Variants in MAST2 observed in about 807,000 individuals in gnomAD.
The protein encoded by MAST2 is microtubule associated serine/threonine kinase 2.
MAST2 carries 70 observed loss-of-function variants against 147.4 expected under a neutral mutation model. That is an observed-to-expected ratio of 0.47 (90% confidence interval 0.39 to 0.58). The LOEUF is 0.58. MAST2 is among the 20% of genes least tolerant of loss of function. The pLI, the probability that MAST2 is intolerant of heterozygous loss-of-function variation, is 0.00. For missense variants in MAST2, 2,080 were observed against 2,302.3 expected, an observed-to-expected ratio of 0.90 and a Z score of 1.98; for synonymous variants, 869 against 896.8, an observed-to-expected ratio of 0.97 and a Z score of 0.55.
intron 3 of MAST2, among the ~76,000 whole-genome samples, chr1:45,845,157 A>T (rs1032500454): frequency 1.3e-5 from 2 of 152,186 alleles, no homozygotes; most frequent in Non-Finnish European, 2.9e-5. Context: ...AAGAGATCTT[A>T]CTGAATTTGT....
intron 3 of MAST2, among the ~76,000 whole-genome samples, chr1:45,870,216 G>A (rs1199338785): frequency 2.0e-5 from 3 of 152,052 alleles, no homozygotes; most frequent in South Asian, 2.1e-4. Context: ...GAGCTACTGC[G>A]CCCAGCTTTT....
At chr1:45,959,521 A>T (rs1408222362) in intron 5 of MAST2, 44 bp downstream of exon 5, 3 of 1,495,910 alleles carry the variant, frequency 2.0e-6, no homozygotes, top group Non-Finnish European at 2.8e-6. Context: ...AAGAGTGGCC[A>T]CAGATGCCCA....
chr1:45,813,376 C>T (rs1381828592), intron 1 of MAST2, among the ~76,000 whole-genome samples: 4 of 151,832 alleles, frequency 2.6e-5, no homozygotes, highest in African/African-American at 9.7e-5. Flanking sequence ...GTTGCTCAGG[C>T]TGGAGTGCAG....
intron 4 of MAST2, among the ~76,000 whole-genome samples, chr1:45,932,818 G>A (rs1485864455): frequency 1.3e-5 from 2 of 152,076 alleles, no homozygotes; most frequent in Non-Finnish European, 2.9e-5. Flanking sequence ...TGACTTTTGT[G>A]TCTTTTTGAT....
intron 3 of MAST2, among the ~76,000 whole-genome samples, chr1:45,868,177 G>T (rs766785924): frequency 6.6e-6 from 1 of 152,098 alleles, no homozygotes; most frequent in Non-Finnish European, 1.5e-5. Flanking sequence ...GTAAAAATTG[G>T]CTTTCATCTT....
At chr1:45,947,899 G>A (rs1019696358) in intron 4 of MAST2, among the ~76,000 whole-genome samples, 1 of 152,112 alleles carries the variant, frequency 6.6e-6, no homozygotes, top group Non-Finnish European at 1.5e-5. Context: ...TGTATTTTTA[G>A]TAGAGACAGG....
chr1:45,939,983 T>TG lies in MAST2; in HGVS notation c.501-19403_501-19402insG, dbSNP rs1656950933. Among the ~76,000 whole-genome samples, 4 of 79,640 alleles carry TG rather than the reference T, an allele frequency of 5.0e-5. 1 individual carries two copies. Among genetic ancestry groups the TG allele is most frequent in the Admixed American group, 5.0e-4 (4 of 8,012 alleles). The allele number at this position is 79,640 out of a possible 152,430, so 52.2% of individuals were successfully genotyped here. A position where few individuals can be genotyped will look rare whatever the true frequency, so the allele number is the denominator to read the frequency against. ...GGAAGTTCTCTATTTATTTAGGGTTTTTTTTTTTTTTTTTTTTTGAGATGG... is the reference window on the plus strand; with the variant it reads ...GGAAGTTCTCTATTTATTTAGGGTTTGTTTTTTTTTTTTTTTTTTGAGATGG... On this transcript the variant is annotated intron_variant, in intron 4 of 28. Coordinates refer to ENST00000361297, the MANE Select transcript of MAST2 (RefSeq NM_015112.3).
At chr1:45,865,472 C>T (rs886075543) in intron 3 of MAST2, among the ~76,000 whole-genome samples, 2 of 152,136 alleles carry the variant, frequency 1.3e-5, no homozygotes, top group Non-Finnish European at 2.9e-5. Flanking sequence ...CTGTTCCTGA[C>T]CACCATGCCT....
intron 4 of MAST2, among the ~76,000 whole-genome samples, chr1:45,934,289 C>G (rs1435633647): frequency 6.6e-6 from 1 of 152,140 alleles, no homozygotes; most frequent in Admixed American, 6.5e-5. Context: ...TCGAGACCAC[C>G]CTAGCTAACA....
chr1:45,857,164 A>G (rs1465494859), intron 3 of MAST2, among the ~76,000 whole-genome samples: 4 of 152,232 alleles, frequency 2.6e-5, no homozygotes, highest in African/African-American at 9.6e-5. Flanking sequence ...GAGGTCAGGG[A>G]TTTTTATCTA....
rs377141695 is a variant in MAST2 at position 45,828,386 on chromosome 1, G to A, written c.326-1053G>A. On this transcript the variant is annotated intron_variant, in intron 2 of 28. Coordinates refer to ENST00000361297, the MANE Select transcript of MAST2 (RefSeq NM_015112.3). ...GGAAAGTGCAGGGCATAATATTGAAGTTGAGTGAGTGAATAAGTGTGGAAA... is the reference window on the plus strand; with the variant it reads ...GGAAAGTGCAGGGCATAATATTGAAATTGAGTGAGTGAATAAGTGTGGAAA... 7.0e-4 allele frequency among the ~76,000 whole-genome samples: 106 copies of A among 152,314 alleles called. No individual in the cohort carries two copies. In the South Asian group the frequency reaches 0.022, roughly 31 times the overall value.
intron 4 of MAST2, among the ~76,000 whole-genome samples, chr1:45,924,150 T>C (rs1339623833): frequency 2.0e-5 from 3 of 152,146 alleles, no homozygotes; most frequent in African/African-American, 4.8e-5. Context: ...ATTACAGGCA[T>C]GAGCCACCAC....
At position 45,938,520 on chromosome 1, in the gene MAST2, T is replaced by G. The variant is rs1656635287; in HGVS notation, c.501-20866T>G. ...TATTTTTTTATTTGTAGAGATGAGGTCTCACCATGTTGCCTACACTGGTCT... is the reference window on the plus strand; with the variant it reads ...TATTTTTTTATTTGTAGAGATGAGGGCTCACCATGTTGCCTACACTGGTCT... On this transcript the variant is annotated intron_variant, in intron 4 of 28. Coordinates refer to ENST00000361297, the MANE Select transcript of MAST2 (RefSeq NM_015112.3). Among the ~76,000 whole-genome samples the G allele has an allele frequency of 1.3e-5, 2 of 151,994 alleles. 1 individual carries two copies. The highest frequency in any genetic ancestry group is 4.8e-5 in the African/African-American group (2 of 41,374).
chr1:45,827,615 G>A (rs1570259529), intron 2 of MAST2, among the ~76,000 whole-genome samples: 1 of 151,922 alleles, frequency 6.6e-6, no homozygotes, highest in East Asian at 1.9e-4. Flanking sequence ...GCTCTACTCT[G>A]GGCTTATGGA....
intron 1 of MAST2, among the ~76,000 whole-genome samples, chr1:45,816,902 C>T (rs1007840619): frequency 1.9e-4 from 29 of 152,178 alleles, no homozygotes; most frequent in African/African-American, 5.8e-4. Flanking sequence ...TGGTCTCGAT[C>T]TCCTGACCTC....
chr1:46,022,883 A>T (rs773987645), intron 12 of MAST2, 27 bp from the exon 13 acceptor site: 1 of 1,595,062 alleles, frequency 6.3e-7, no homozygotes, highest in East Asian at 2.2e-5. Flanking sequence ...TGCCACGCAC[A>T]TTCTTCTCTT....
intron 4 of MAST2, among the ~76,000 whole-genome samples, chr1:45,940,165 G>A (rs1262246645): frequency 6.6e-6 from 1 of 151,102 alleles, no homozygotes; most frequent in Non-Finnish European, 1.5e-5. Flanking sequence ...GCTAATTTTT[G>A]TATTTTTAGT....
intron 4 of MAST2, among the ~76,000 whole-genome samples, chr1:45,950,073 GGA>G (rs1195542087): frequency 6.6e-6 from 1 of 152,022 alleles, no homozygotes; most frequent in Non-Finnish European, 1.5e-5. Flanking sequence ...ACTTGGGGGT[GGA>G]GAGAGAGAGG....
At chr1:45,856,700 ATT>A (rs1645801714) in intron 3 of MAST2, among the ~76,000 whole-genome samples, 2 of 152,206 alleles carry the variant, frequency 1.3e-5, no homozygotes, top group African/African-American at 4.8e-5. Flanking sequence ...TAAATGAGCA[ATT>A]ATACCGAGGA....
Sources: allele counts gnomAD v4.1 joint callset (sites outside exome capture counted in the v4.1 genomes callset), GRCh38; gene constraint gnomAD v4.1.1; transcripts MANE v1.5; gene names NCBI Gene and HGNC (gene_info 2026-07-23, HGNC 2026-07-21).